The following GNPTAB variants were observed in gnomAD, a reference collection of about 807,000 sequenced individuals.
GNPTAB encodes N-acetylglucosamine-1-phosphotransferase subunits alpha/beta.
Under a neutral mutation model 136.6 loss-of-function variants are expected in GNPTAB, and 92 were observed. The observed-to-expected ratio is 0.67, with a 90% CI of 0.57 to 0.80. The LOEUF (loss-of-function observed/expected upper bound fraction) is 0.80, where lower values mean the gene tolerates loss of function less well. Among genes scored for constraint, GNPTAB ranks in the 30% least tolerant of loss-of-function variants. GNPTAB has a pLI of 0.00. For missense variants in GNPTAB, 1,343 were observed against 1,501.8 expected (o/e 0.89, Z 1.75); for synonymous variants, 512 against 535.1 (o/e 0.96, Z 0.60).
chr12:101,775,976 C>A (rs1357274577), intron 7 of GNPTAB, among the ~76,000 whole-genome samples: 1 of 152,176 alleles, frequency 6.6e-6, no homozygotes, highest in Non-Finnish European at 1.5e-5. Flanking sequence ...CAGCCTCTTT[C>A]TCTTTGAAAA....
chr12:101,829,287 C>T lies in GNPTAB; in HGVS notation c.117+1272G>A, dbSNP rs1407485551. 3.3e-5 allele frequency among the ~76,000 whole-genome samples: 5 copies of T among 152,148 alleles called. No individual in the cohort carries two copies. The East Asian group carries it at 9.6e-4, about 29-fold the overall frequency. Reference sequence around the variant, plus strand: ...ATCACTTGAGGTCAGAAGTTTGAGACCAGCCTGGCCAACATAGTGAAACTC... The same window carrying T: ...ATCACTTGAGGTCAGAAGTTTGAGATCAGCCTGGCCAACATAGTGAAACTC... On this transcript the variant is annotated intron_variant, in intron 1 of 20. Transcript: ENST00000299314.
chr12:101,763,938 G>C (rs1476720131), intron 13 of GNPTAB, among the ~76,000 whole-genome samples: 1 of 151,604 alleles, frequency 6.6e-6, no homozygotes, highest in African/African-American at 2.4e-5. Flanking sequence ...CTTCCTCCAA[G>C]TACGCCCCTG....
At chr12:101,807,170 A>G (rs1869972312) in intron 1 of GNPTAB, among the ~76,000 whole-genome samples, 1 of 152,254 alleles carries the variant, frequency 6.6e-6, no homozygotes, top group Non-Finnish European at 1.5e-5. Context: ...AACAAGCTAA[A>G]GAAGAAAAAT....
At chr12:101,814,952 T>C (rs1594257667) in intron 1 of GNPTAB, among the ~76,000 whole-genome samples, 1 of 152,220 alleles carries the variant, frequency 6.6e-6, no homozygotes, top group African/African-American at 2.4e-5. Context: ...AGGCAAATAA[T>C]GTCCTAATAT....
intron 7 of GNPTAB, among the ~76,000 whole-genome samples, chr12:101,772,701 C>T (rs1337666124): frequency 6.6e-6 from 1 of 152,172 alleles, no homozygotes; most frequent in Non-Finnish European, 1.5e-5. Context: ...TGCCTGGGTC[C>T]CTGTCTACCC....
At chr12:101,827,442 T>C (rs923663647) in intron 1 of GNPTAB, among the ~76,000 whole-genome samples, 3 of 151,986 alleles carry the variant, frequency 2.0e-5, no homozygotes, top group African/African-American at 7.3e-5. Context: ...TCTCCTTTGT[T>C]TCCCAGGCTT....
At chr12:101,791,043 CCTGGCACA>C (rs1271781399) in intron 2 of GNPTAB, among the ~76,000 whole-genome samples, 1 of 152,172 alleles carries the variant, frequency 6.6e-6, no homozygotes, top group African/African-American at 2.4e-5. Context: ...GAGAAGAGTG[CCTGGCACA>C]CAGGTGACCA....
At chr12:101,828,923 AG>A (rs1871239593) in intron 1 of GNPTAB, among the ~76,000 whole-genome samples, 1 of 152,246 alleles carries the variant, frequency 6.6e-6, no homozygotes, top group Non-Finnish European at 1.5e-5. Flanking sequence ...TATAAGTATT[AG>A]CTATTATTAT....
At chr12:101,776,031 C>A (rs1228456547) in intron 7 of GNPTAB, among the ~76,000 whole-genome samples, 4 of 152,138 alleles carry the variant, frequency 2.6e-5, no homozygotes, top group Admixed American at 1.3e-4. Context: ...CTGTTTCCAA[C>A]TGCCAACTCT....
At chr12:101,820,685 A>C (rs1870746017) in intron 1 of GNPTAB, among the ~76,000 whole-genome samples, 2 of 152,208 alleles carry the variant, frequency 1.3e-5, no homozygotes, top group South Asian at 2.1e-4. Context: ...CCACTGTCCT[A>C]GAGCTGACTT....
chr12:101,830,713 AGCCGCCGCCGCCGCC>A lies in GNPTAB; in HGVS notation c.-53_-39del. 1 of 1,046,864 alleles carries A rather than the reference AGCCGCCGCCGCCGCC, an allele frequency of 9.6e-7. No homozygotes were observed. The highest frequency in any genetic ancestry group is 2.8e-5 in the East Asian group (1 of 35,370). 64.8% of individuals were successfully genotyped at this position (1,046,864 alleles called of 1,614,324 possible). A position where few individuals can be genotyped will look rare whatever the true frequency, so the allele number is the denominator to read the frequency against. On this transcript the variant is annotated 5_prime_UTR_variant, in exon 1 of 21. Coordinates refer to ENST00000299314, the MANE Select transcript of GNPTAB (RefSeq NM_024312.5). The stretch of plus-strand genomic sequence containing the variant: ...GCCACGCCACGCCCCGAGGAGCCTG[AGCCGCCGCCGCCGCC>A]GCCGCCGCCTCAGCGAGCCGCCATT...
In GNPTAB at chr12:101,824,466, TTTTTGTTTTG is replaced by T. The variant is rs572259921; in HGVS notation, c.117+6083_117+6092del. Among the ~76,000 whole-genome samples, 870 of 128,638 alleles carry T rather than the reference TTTTTGTTTTG, an allele frequency of 6.8e-3. 11 individuals are homozygous for T. The highest frequency in any genetic ancestry group is 0.024 in the African/African-American group (797 of 32,794). The allele number at this position is 128,638 out of a possible 152,430, so 84.4% of individuals were successfully genotyped here. The stretch of plus-strand genomic sequence containing the variant: ...TTTTTTTTTTTTTTTTTGGTTAACC[TTTTTGTTTTG>T]TTTTGTTTGAGACAGAGCCTCACTC... On this transcript the variant is annotated intron_variant, in intron 1 of 20. Coordinates refer to ENST00000299314, the MANE Select transcript of GNPTAB (RefSeq NM_024312.5).
At chr12:101,790,633 G>A (rs372694168) in intron 2 of GNPTAB, among the ~76,000 whole-genome samples, 4 of 151,788 alleles carry the variant, frequency 2.6e-5, no homozygotes, top group East Asian at 3.9e-4. Context: ...TGGGTATGGT[G>A]GTGTGCATCT....
At chr12:101,754,334 C>T (rs534093465) in intron 18 of GNPTAB, among the ~76,000 whole-genome samples, 1 of 151,824 alleles carries the variant, frequency 6.6e-6, no homozygotes, top group South Asian at 2.1e-4. Flanking sequence ...GGCTGAGGCA[C>T]TAGAATTGCT....
In GNPTAB at chr12:101,764,806, G is replaced by T. The variant is rs781619294; in HGVS notation, c.2111C>A (p.Pro704Gln). ...KIPLVNISLL[P>Q]KDAQLSLNTL... ...ATTGAGACTCAACTGGGCGTCTTTT[G>T]GAAGGAGTGAAATATTTACCAGGGG... The change falls in exon 13 of 21, where the codon CCA (proline) becomes CAA (glutamine). Residue 704 changes from proline (P) to glutamine (Q), a missense_variant. Pro to Gln is a moderately conservative substitution (Grantham distance 76, BLOSUM62 -1). Coordinates refer to ENST00000299314, the MANE Select transcript of GNPTAB (RefSeq NM_024312.5). 6.2e-7 allele frequency: 1 copy of T among 1,614,114 alleles called. No individual in the cohort carries two copies. The highest frequency in any genetic ancestry group is 8.5e-7 in the Non-Finnish European group (1 of 1,180,012).
intron 19 of GNPTAB, among the ~76,000 whole-genome samples, chr12:101,752,019 TAAAAA>T (rs5800485): frequency 6.9e-6 from 1 of 145,912 alleles, no homozygotes. Flanking sequence ...ACAGTTAAGT[TAAAAA>T]AAAAAAAAAG....
At chr12:101,818,376 C>CTTTTTTT (rs11347749) in intron 1 of GNPTAB, among the ~76,000 whole-genome samples, 1 of 132,672 alleles carries the variant, frequency 7.5e-6, no homozygotes. Context: ...ATATTTGTGT[C>CTTTTTTT]TTTTTTTTTT....
chr12:101,770,263 AGGAAG>A, intron 9 of GNPTAB, 72 bp from the exon 10 acceptor site: 7 of 1,510,098 alleles, frequency 4.6e-6, no homozygotes, highest in Non-Finnish European at 5.5e-6. Context: ...TTTGAAAGGA[AGGAAG>A]GGAAGGCAAT....
chr12:101,812,753 T>C (rs148003849), intron 1 of GNPTAB, among the ~76,000 whole-genome samples: 2 of 152,194 alleles, frequency 1.3e-5, no homozygotes, highest in African/African-American at 4.8e-5. Context: ...AGTAAGACCC[T>C]GTCTCAAAAA....
Sources: gnomAD v4.1 joint callset for allele counts (sites outside exome capture counted in the v4.1 genomes callset) on GRCh38, gnomAD v4.1.1 for gene constraint, MANE v1.5 for transcripts, NCBI Gene and HGNC (gene_info 2026-07-23, HGNC 2026-07-21) for gene names.